Variants in TCF7L2 observed in about 807,000 individuals in gnomAD.
TCF7L2 encodes transcription factor 7-like 2.
Under a neutral mutation model 77.9 loss-of-function variants are expected in TCF7L2, and 23 were observed. That is an observed-to-expected ratio of 0.30 (90% confidence interval 0.21 to 0.42). The LOEUF (loss-of-function observed/expected upper bound fraction) is 0.42, where lower values mean the gene tolerates loss of function less well. Among genes scored for constraint, TCF7L2 ranks in the 10% least tolerant of loss-of-function variants. The probability of loss-of-function intolerance (pLI) is 1.00; values close to 1 mark genes in which losing one functional copy is unlikely to be tolerated. For synonymous variants in TCF7L2, 413 were observed against 340.2 expected, an observed-to-expected ratio of 1.21 and a Z score of -2.36; for missense variants, 654 against 793.1, an observed-to-expected ratio of 0.82 and a Z score of 2.11.
At chr10:113,060,986 G>C (rs987093040) in intron 5 of TCF7L2, among the ~76,000 whole-genome samples, 1 of 152,142 alleles carries the variant, frequency 6.6e-6, no homozygotes, top group Non-Finnish European at 1.5e-5. Flanking sequence ...CTTCAGGGCT[G>C]GTGGATAGTA....
chr10:113,082,330 C>G (rs1335783175), intron 5 of TCF7L2, among the ~76,000 whole-genome samples: 3 of 67,882 alleles, frequency 4.4e-5, no homozygotes, highest in African/African-American at 2.1e-4. Flanking sequence ...AACTTTATTC[C>G]AAACTTGAAA....
chr10:113,145,958 T>TGCCCA, intron 7 of TCF7L2, 53 bp from the exon 8 acceptor site: 2 of 1,350,238 alleles, frequency 1.5e-6, no homozygotes, highest in Non-Finnish European at 1.0e-6. Context: ...CTTTTTCTTG[T>TGCCCA]CCCCACCCCC....
intron 5 of TCF7L2, among the ~76,000 whole-genome samples, chr10:113,064,939 C>T (rs993679807): frequency 6.6e-6 from 1 of 152,250 alleles, no homozygotes; most frequent in African/African-American, 2.4e-5. Context: ...GCCATTGTCA[C>T]CTCTAATGAC....
rs1264033634 is a variant in TCF7L2, at chr10:113,118,643, GTTTTTTTTTTGTTTTTTTTTGTTT to G, written c.553-22521_553-22498del. 7.8e-3 allele frequency among the ~76,000 whole-genome samples: 685 copies of G among 87,478 alleles called. 4 individuals are homozygous for G. The highest frequency in any genetic ancestry group is 0.032 in the African/African-American group (649 of 20,208). The allele number at this position is 87,478 out of a possible 152,430, so 57.4% of individuals were successfully genotyped here. Reference sequence around the variant, plus strand: ...GGAGAGGCTGCAATCTGTTGGGGAAGTTTTTTTTTTGTTTTTTTTTGTTTTTTTTTTTTTGTTTTTTTTATTTTA... The same window carrying G: ...GGAGAGGCTGCAATCTGTTGGGGAAGTTTTTTTTTTGTTTTTTTTATTTTA... On this transcript the variant is annotated intron_variant, in intron 5 of 13. Transcript: ENST00000627217.
intron 4 of TCF7L2, among the ~76,000 whole-genome samples, chr10:113,019,983 G>A (rs1042162543): frequency 1.3e-5 from 2 of 152,176 alleles, no homozygotes; most frequent in African/African-American, 4.8e-5. Flanking sequence ...TGAGCCGGTG[G>A]CCTGCTGAAA....
At chr10:113,035,502 G>T (rs2051023700) in intron 4 of TCF7L2, among the ~76,000 whole-genome samples, 2 of 152,158 alleles carry the variant, frequency 1.3e-5, no homozygotes, top group African/African-American at 4.8e-5. Flanking sequence ...ACCCAGGCTG[G>T]AGTGCAGTGG....
intron 3 of TCF7L2, 132 bp from the exon 4 acceptor site, chr10:112,964,424 C>T: frequency 1.4e-6 from 1 of 724,058 alleles, no homozygotes; most frequent in Non-Finnish European, 2.5e-6. Context: ...AATGAAAGTA[C>T]ACAGGTCTTG....
chr10:113,098,942 A>C (rs560106776), intron 5 of TCF7L2, among the ~76,000 whole-genome samples: 2 of 152,208 alleles, frequency 1.3e-5, no homozygotes, highest in East Asian at 3.9e-4. Context: ...GACTTGATTC[A>C]CTTCATCCAT....
intron 4 of TCF7L2, among the ~76,000 whole-genome samples, chr10:112,985,784 T>C (rs2041381382): frequency 6.6e-6 from 1 of 151,998 alleles, no homozygotes; most frequent in Admixed American, 6.6e-5. Context: ...ATTAATCCCT[T>C]TCCAAAAAAT....
intron 5 of TCF7L2, among the ~76,000 whole-genome samples, chr10:113,065,657 A>G (rs1421874287): frequency 6.6e-6 from 1 of 152,148 alleles, no homozygotes; most frequent in African/African-American, 2.4e-5. Context: ...TTAGAGATGG[A>G]CAGGTTTTGG....
chr10:112,964,739 A>AGGG, intron 4 of TCF7L2, 115 bp downstream of exon 4: 1 of 577,060 alleles, frequency 1.7e-6, no homozygotes, highest in Non-Finnish European at 2.7e-6. Flanking sequence ...GATGATGATG[A>AGGG]TGGTGGTGGT....
chr10:113,094,095 G>T (rs115486780), intron 5 of TCF7L2, among the ~76,000 whole-genome samples: 3 of 152,192 alleles, frequency 2.0e-5, no homozygotes, highest in African/African-American at 7.2e-5. Context: ...GCGCGTGCAC[G>T]CGCATGTGTG....
At chr10:113,099,020 T>C (rs1235332182) in intron 5 of TCF7L2, among the ~76,000 whole-genome samples, 3 of 152,192 alleles carry the variant, frequency 2.0e-5, no homozygotes, top group Non-Finnish European at 2.9e-5. Context: ...CCCTCTCCAG[T>C]GAAAGAGATG....
At chr10:113,106,074 T>C (rs576063232) in intron 5 of TCF7L2, among the ~76,000 whole-genome samples, 1 of 152,298 alleles carries the variant, frequency 6.6e-6, no homozygotes, top group Non-Finnish European at 1.5e-5. Flanking sequence ...CCCTTGAACC[T>C]GGGCTTCTGA....
intron 5 of TCF7L2, among the ~76,000 whole-genome samples, chr10:113,128,167 G>T (rs560058199): frequency 1.1e-4 from 17 of 152,222 alleles, no homozygotes; most frequent in South Asian, 2.1e-4. Flanking sequence ...TTACCACCAT[G>T]TAAAGGGAAT....
chr10:113,166,785 T>C lies in TCF7L2; in HGVS notation c.*813T>C, dbSNP rs1349692343. The C allele has an allele frequency of 8.8e-6, 2 of 228,528 alleles. No homozygotes were observed. The highest frequency in any genetic ancestry group is 1.8e-4 in the South Asian group (1 of 5,482). 14.2% of individuals were successfully genotyped at this position (228,528 alleles called of 1,614,324 possible). A position where few individuals can be genotyped will look rare whatever the true frequency, so the allele number is the denominator to read the frequency against. ...TGTACAAGGTTTTTAAGTTTATATA[T>C]AAAATGTGTATATATATTTTTGTTT... On this transcript the variant is annotated 3_prime_UTR_variant, in exon 14 of 14. Coordinates refer to ENST00000627217, the MANE Select transcript of TCF7L2 (RefSeq NM_001146274.2).
intron 4 of TCF7L2, among the ~76,000 whole-genome samples, chr10:112,965,152 A>T (rs1485116864): frequency 6.6e-6 from 1 of 152,136 alleles, no homozygotes; most frequent in Admixed American, 6.5e-5. Flanking sequence ...GGACCTGATC[A>T]TCCTGAAATG....
At chr10:113,036,606 T>C (rs972775119) in intron 4 of TCF7L2, among the ~76,000 whole-genome samples, 1 of 152,176 alleles carries the variant, frequency 6.6e-6, no homozygotes, top group Non-Finnish European at 1.5e-5. Context: ...AAAACCCTAA[T>C]GGGCCATGAT....
chr10:112,998,983 C>G (rs913035942), intron 4 of TCF7L2, among the ~76,000 whole-genome samples: 1 of 152,170 alleles, frequency 6.6e-6, no homozygotes, highest in Non-Finnish European at 1.5e-5. Context: ...TGCTTTCCCC[C>G]CAGCAAAGTG....
Sources: allele counts gnomAD v4.1 joint callset (sites outside exome capture counted in the v4.1 genomes callset), GRCh38; gene constraint gnomAD v4.1.1; transcripts MANE v1.5; gene names NCBI Gene and HGNC (gene_info 2026-07-23, HGNC 2026-07-21).